CACNA1D: variants seen among roughly 807,000 people sequenced by gnomAD.
CACNA1D encodes the protein calcium voltage-gated channel subunit alpha1 D, also known as voltage-dependent L-type calcium channel subunit alpha-1D.
In CACNA1D, 55 loss-of-function variants were observed where a neutral mutation model predicts 257.1. That is an observed-to-expected ratio of 0.21 (90% CI 0.17 to 0.27). The LOEUF (loss-of-function observed/expected upper bound fraction) is 0.27, where lower values mean the gene tolerates loss of function less well. CACNA1D is among the 10% of genes least tolerant of loss of function. The pLI is 1.00. For missense variants in CACNA1D, 1,876 were observed against 2,784.0 expected, an observed-to-expected ratio of 0.67 and a Z score of 7.34; for synonymous variants, 980 against 1,014.9, an observed-to-expected ratio of 0.97 and a Z score of 0.65.
intron 4 of CACNA1D, among the ~76,000 whole-genome samples, chr3:53,652,074 G>C (rs1369823041): frequency 6.6e-6 from 1 of 152,158 alleles, no homozygotes; most frequent in Non-Finnish European, 1.5e-5. Flanking sequence ...CAAAAGAAGT[G>C]TACCAAAATG....
At chr3:53,797,674 T>A (rs1239448290) in intron 40 of CACNA1D, 1 of 152,256 alleles carries the variant, frequency 6.6e-6, no homozygotes, top group African/African-American at 2.4e-5. Flanking sequence ...GAGACAGTTT[T>A]TGTTTCTATT....
In CACNA1D at chr3:53,810,057, C is replaced by T; in HGVS notation, c.5951C>T (p.Pro1984Leu). 6.2e-7 allele frequency: 1 copy of T among 1,614,056 alleles called. No individual in the cohort carries two copies. Among genetic ancestry groups the T allele is most frequent in the Non-Finnish European group, 8.5e-7 (1 of 1,180,028 alleles). ...CACTCGACCCGGTCGTGGGCCACCC[C>T]TCCAGCAACCCCTCCCTACCGGGAC... ...PSHSTRSWATPPATPPYRDWT... is the reference protein window; with the variant it reads ...PSHSTRSWATLPATPPYRDWT... Residue 1984 changes from proline (P) to leucine (L), a missense_variant, in exon 47 of 48, where the codon CCT becomes CTT. Pro to Leu is a moderately conservative substitution (Grantham distance 98). Around this residue, in one of 10 missense-constraint regions of CACNA1D, gnomAD observed 491 missense variants for 554.3 expected, o/e 0.89. Transcript: ENST00000350061.
At chr3:53,767,017 G>T (rs760646468) in intron 30 of CACNA1D, among the ~76,000 whole-genome samples, 1 of 152,126 alleles carries the variant, frequency 6.6e-6, no homozygotes, top group Non-Finnish European at 1.5e-5. Context: ...TTGTAGGGGA[G>T]ATGGGGATGG....
At chr3:53,541,311 T>C (rs1230670511) in intron 3 of CACNA1D, among the ~76,000 whole-genome samples, 1 of 152,240 alleles carries the variant, frequency 6.6e-6, no homozygotes, top group Non-Finnish European at 1.5e-5. Context: ...GGATATGAAG[T>C]AATTTTTTGT....
At chr3:53,736,293 T>A (rs2095056386) in intron 20 of CACNA1D, among the ~76,000 whole-genome samples, 1 of 152,100 alleles carries the variant, frequency 6.6e-6, no homozygotes, top group South Asian at 2.1e-4. Context: ...GCAAGCAATG[T>A]TTGCACCACT....
intron 5 of CACNA1D, among the ~76,000 whole-genome samples, chr3:53,663,717 C>T (rs1277902410): frequency 6.6e-6 from 1 of 152,116 alleles, no homozygotes; most frequent in Non-Finnish European, 1.5e-5. Flanking sequence ...TCAGACTCAG[C>T]AAGACCCTGT....
intron 3 of CACNA1D, among the ~76,000 whole-genome samples, chr3:53,543,036 G>A (rs1273163767): frequency 6.9e-6 from 1 of 145,140 alleles, no homozygotes; most frequent in African/African-American, 2.7e-5. Flanking sequence ...TGGGCAACAA[G>A]AGCGAAACTC....
intron 3 of CACNA1D, among the ~76,000 whole-genome samples, chr3:53,641,133 G>C (rs1228070404): frequency 1.3e-5 from 2 of 152,170 alleles, no homozygotes; most frequent in Non-Finnish European, 2.9e-5. Flanking sequence ...GGAGGAAGGG[G>C]CATCAGGAGG....
At chr3:53,664,419 T>C (rs1180451435) in intron 5 of CACNA1D, among the ~76,000 whole-genome samples, 1 of 152,242 alleles carries the variant, frequency 6.6e-6, no homozygotes, top group Non-Finnish European at 1.5e-5. Flanking sequence ...CCTGCTGCTG[T>C]CCTGTTGGTC....
chr3:53,701,516 G>A (rs893623830), intron 8 of CACNA1D, among the ~76,000 whole-genome samples: 1 of 152,202 alleles, frequency 6.6e-6, no homozygotes, highest in African/African-American at 2.4e-5. Flanking sequence ...ATCGAGGTAG[G>A]ACCCTGAAAG....
chr3:53,765,930 G>A (rs1404768127), intron 30 of CACNA1D: 3 of 152,368 alleles, frequency 2.0e-5, no homozygotes, highest in Non-Finnish European at 4.4e-5. Flanking sequence ...GACACACTGT[G>A]ACTGCTGGGC....
intron 8 of CACNA1D, among the ~76,000 whole-genome samples, chr3:53,695,344 CA>C (rs1285093270): frequency 6.6e-6 from 1 of 152,172 alleles, no homozygotes; most frequent in Non-Finnish European, 1.5e-5. Flanking sequence ...TGTCTTATTT[CA>C]AAACTTGTGC....
chr3:53,626,811 G>A (rs1475338796), intron 3 of CACNA1D, among the ~76,000 whole-genome samples: 1 of 152,118 alleles, frequency 6.6e-6, no homozygotes, highest in Non-Finnish European at 1.5e-5. Flanking sequence ...CCTGTGCCTT[G>A]TTGGATCTCC....
At chr3:53,689,810 C>T (rs1313750782) in intron 8 of CACNA1D, among the ~76,000 whole-genome samples, 3 of 152,088 alleles carry the variant, frequency 2.0e-5, no homozygotes, top group African/African-American at 7.2e-5. Context: ...AGGCATATGC[C>T]ACCATGCCCA....
chr3:53,758,474 C>T (rs1027472596), intron 29 of CACNA1D, among the ~76,000 whole-genome samples: 6 of 152,256 alleles, frequency 3.9e-5, no homozygotes, highest in South Asian at 2.1e-4. Context: ...CCATGTGCAA[C>T]GCCTGTGCCA....
intron 8 of CACNA1D, among the ~76,000 whole-genome samples, chr3:53,676,309 TG>T (rs1164554990): frequency 2.0e-5 from 3 of 150,892 alleles, no homozygotes; most frequent in Non-Finnish European, 4.4e-5. Context: ...CCTCTCTGCC[TG>T]CTACTCCCCT....
At chr3:53,643,688 A>G (rs1443778283) in intron 3 of CACNA1D, among the ~76,000 whole-genome samples, 2 of 152,160 alleles carry the variant, frequency 1.3e-5, no homozygotes, top group East Asian at 1.9e-4. Flanking sequence ...CATTTCACAC[A>G]TGAGAAACGA....
At chr3:53,536,175 A>G (rs1300167208) in intron 3 of CACNA1D, among the ~76,000 whole-genome samples, 1 of 152,206 alleles carries the variant, frequency 6.6e-6, no homozygotes, top group Non-Finnish European at 1.5e-5. Flanking sequence ...TCATGGCTCC[A>G]AAAGGGGCTG....
Position 53,719,738 on chromosome 3 carries a change from T to C in CACNA1D, c.1479-17T>C, listed in dbSNP as rs2094861325. On this transcript the variant is annotated splice_polypyrimidine_tract_variant and intron_variant, in intron 10 of 47. Coordinates refer to ENST00000350061, the MANE Select transcript of CACNA1D (RefSeq NM_001128840.3). Reference sequence around the variant, plus strand: ...CCCTCGGAACCAGAATCTTAACACTTTTTGTCTTTCTTTCAGTCAAGCCAT... The same window carrying C: ...CCCTCGGAACCAGAATCTTAACACTCTTTGTCTTTCTTTCAGTCAAGCCAT... 1 of 1,612,696 alleles carries C rather than the reference T, an allele frequency of 6.2e-7. No individual in the cohort carries two copies. Among genetic ancestry groups the C allele is most frequent in the African/African-American group, 1.3e-5 (1 of 74,908 alleles).
Sources: gnomAD v4.1 joint callset for allele counts (sites outside exome capture counted in the v4.1 genomes callset) on GRCh38, gnomAD v4.1.1 for gene constraint, gnomAD v4.1.1 regional missense constraint, MANE v1.5 for transcripts, NCBI Gene and HGNC (gene_info 2026-07-23, HGNC 2026-07-21) for gene names.